CNTLN: variants seen among roughly 807,000 people sequenced by gnomAD.
CNTLN encodes centlein.
In CNTLN, 212 loss-of-function variants were observed where a neutral mutation model predicts 180.0. That is an observed-to-expected ratio of 1.18 (90% CI 1.05 to 1.32). CNTLN has a LOEUF of 1.32. Ranked by LOEUF, CNTLN falls within the 40% of genes most tolerant of loss-of-function variation. CNTLN has a pLI of 0.00. For synonymous variants in CNTLN, 722 were observed against 563.1 expected (o/e 1.28, Z -3.99); for missense variants, 2,095 against 1,610.9 (o/e 1.30, Z -5.14).
chr9:17,259,425 T>C (rs1563928954), intron 5 of CNTLN, among the ~76,000 whole-genome samples: 2 of 142,404 alleles, frequency 1.4e-5, no homozygotes, highest in Non-Finnish European at 3.0e-5. Flanking sequence ...GGGATATTGG[T>C]CTAAAATTCT....
intron 8 of CNTLN, among the ~76,000 whole-genome samples, chr9:17,328,458 G>A (rs745668788): frequency 6.6e-6 from 1 of 152,152 alleles, no homozygotes; most frequent in Non-Finnish European, 1.5e-5. Context: ...GAGTTGAGCG[G>A]CAACTGCCCT....
chr9:17,515,295 T>A, the CNTLN span, among the ~76,000 whole-genome samples: 3 of 152,170 alleles, frequency 2.0e-5, no homozygotes. Context: ...ATAGCCCTCA[T>A]CTTCCTTAAT....
intron 2 of CNTLN, among the ~76,000 whole-genome samples, chr9:17,210,842 A>T (rs1823250010): frequency 1.3e-5 from 2 of 152,186 alleles, no homozygotes; most frequent in Non-Finnish European, 2.9e-5. Flanking sequence ...TGTTGGCTGC[A>T]TAAATGTCTT....
At chr9:17,421,758 A>G (rs1828741279) in intron 18 of CNTLN, among the ~76,000 whole-genome samples, 2 of 152,102 alleles carry the variant, frequency 1.3e-5, no homozygotes, top group African/African-American at 4.8e-5. Context: ...TCAGGTTACC[A>G]TGAGGTCTGC....
chr9:17,418,114 AT>A (rs1277097525), intron 18 of CNTLN, among the ~76,000 whole-genome samples: 1 of 151,846 alleles, frequency 6.6e-6, no homozygotes, highest in African/African-American at 2.4e-5. Flanking sequence ...GTTATATGTA[AT>A]TTTATTTTTT....
At chr9:17,431,724 A>G (rs1457525916) in intron 18 of CNTLN, among the ~76,000 whole-genome samples, 1 of 152,102 alleles carries the variant, frequency 6.6e-6, no homozygotes, top group East Asian at 1.9e-4. Context: ...GCCATTCCTG[A>G]GACTTCAGTG....
At chr9:17,185,301 T>C (rs968313001) in intron 2 of CNTLN, among the ~76,000 whole-genome samples, 2 of 152,232 alleles carry the variant, frequency 1.3e-5, no homozygotes, top group African/African-American at 4.8e-5. Flanking sequence ...TCAAAAGTCA[T>C]TCAACTTCTG....
chr9:17,185,014 T>G (rs550793822), intron 2 of CNTLN, among the ~76,000 whole-genome samples: 1 of 152,360 alleles, frequency 6.6e-6, no homozygotes, highest in Non-Finnish European at 1.5e-5. Flanking sequence ...AACATTTAAT[T>G]TATCTACTCT....
the CNTLN span, among the ~76,000 whole-genome samples, chr9:17,518,165 A>G: frequency 0.17 from 24,709 of 146,824 alleles, 2,200 homozygotes; most frequent in Middle Eastern, 0.22. Flanking sequence ...CTCCTGCCTC[A>G]GCCTCCCAAG....
rs188103229 is a variant in CNTLN at position 17,314,143 on chromosome 9, C to T, written c.1341+4891C>T. On this transcript the variant is annotated intron_variant, in intron 8 of 25. Transcript: ENST00000380647. ...AAATTTCTGTTATGCCCAACTTGCT[C>T]TTAAGTCTTTTATGTGAATTATTCT... 3.0e-4 allele frequency among the ~76,000 whole-genome samples: 46 copies of T among 152,278 alleles called. No individual in the cohort carries two copies. The East Asian group carries it at 6.0e-3, about 20-fold the overall frequency.
chr9:17,426,385 A>G (rs939986571), intron 18 of CNTLN, among the ~76,000 whole-genome samples: 3 of 152,144 alleles, frequency 2.0e-5, no homozygotes, highest in African/African-American at 4.8e-5. Flanking sequence ...TAAGAAATAG[A>G]ATTTTTAAAA....
intron 2 of CNTLN, among the ~76,000 whole-genome samples, chr9:17,196,913 G>C (rs1822169413): frequency 6.6e-6 from 1 of 151,990 alleles, no homozygotes; most frequent in Non-Finnish European, 1.5e-5. Flanking sequence ...TTATTGTTTA[G>C]TCACCCTGTT....
intron 18 of CNTLN, among the ~76,000 whole-genome samples, chr9:17,431,192 C>G (rs1391349951): frequency 6.6e-6 from 1 of 152,110 alleles, no homozygotes; most frequent in Non-Finnish European, 1.5e-5. Flanking sequence ...ATTCCCTTTT[C>G]TCTACGTCCT....
intron 2 of CNTLN, among the ~76,000 whole-genome samples, chr9:17,203,961 T>G (rs1822737467): frequency 6.6e-6 from 1 of 152,226 alleles, no homozygotes; most frequent in Admixed American, 6.5e-5. Flanking sequence ...TGGCTATTGA[T>G]ACTTGTGTTT....
intron 2 of CNTLN, among the ~76,000 whole-genome samples, chr9:17,200,870 T>C (rs1270813766): frequency 1.3e-5 from 2 of 152,192 alleles, no homozygotes; most frequent in African/African-American, 4.8e-5. Flanking sequence ...AATACTATGA[T>C]AAATTGGAGT....
chr9:17,152,101 CA>C (rs1430453596), intron 2 of CNTLN, among the ~76,000 whole-genome samples: 1 of 152,024 alleles, frequency 6.6e-6, no homozygotes, highest in Non-Finnish European at 1.5e-5. Flanking sequence ...TTGATGTTTT[CA>C]AAAAACCAGC....
intron 21 of CNTLN, among the ~76,000 whole-genome samples, chr9:17,465,767 A>C (rs1048359796): frequency 1.1e-4 from 17 of 151,194 alleles, no homozygotes; most frequent in Admixed American, 2.6e-4. Flanking sequence ...GTATTCATTT[A>C]GTTTGTGTGC....
intron 5 of CNTLN, among the ~76,000 whole-genome samples, chr9:17,254,573 G>T (rs1053281043): frequency 1.3e-5 from 2 of 151,292 alleles, no homozygotes; most frequent in Admixed American, 6.6e-5. Flanking sequence ...TTAGTCATCA[G>T]TTGGTCTTGG....
intron 23 of CNTLN, among the ~76,000 whole-genome samples, chr9:17,480,634 A>T (rs1832593961): frequency 6.6e-6 from 1 of 152,216 alleles, no homozygotes; most frequent in Non-Finnish European, 1.5e-5. Flanking sequence ...AATTTAACAA[A>T]TTCAAAAACA....
Sources: allele counts gnomAD v4.1 joint callset (sites outside exome capture counted in the v4.1 genomes callset), GRCh38; gene constraint gnomAD v4.1.1; transcripts MANE v1.5; gene names NCBI Gene and HGNC (gene_info 2026-07-23, HGNC 2026-07-21).